The following CLN6 variants were observed in gnomAD, a reference collection of about 807,000 sequenced individuals.
CLN6 encodes the protein ceroid-lipofuscinosis neuronal protein 6.
Under a neutral mutation model 33.3 loss-of-function variants are expected in CLN6, and 22 were observed. That is an observed-to-expected ratio of 0.66 (90% CI 0.47 to 0.94). CLN6 has a LOEUF of 0.94. CLN6 is among the 40% of genes least tolerant of loss of function. The probability of loss-of-function intolerance (pLI) is 0.00; values close to 1 mark genes in which losing one functional copy is unlikely to be tolerated. For synonymous variants in CLN6, 201 were observed against 174.6 expected (o/e 1.15, Z -1.19); for missense variants, 387 against 417.1 (o/e 0.93, Z 0.63).
chr15:68,238,538 G>A (rs2141161211), intron 1 of CLN6, among the ~76,000 whole-genome samples: 1 of 152,284 alleles, frequency 6.6e-6, no homozygotes, highest in Middle Eastern at 3.4e-3. Flanking sequence ...CTATATGGTG[G>A]CAGCAACAGT....
Position 68,207,801 on chromosome 15 carries a change from G to A in CLN6, c.*339C>T, listed in dbSNP as rs894901160. 2.6e-6 allele frequency: 1 copy of A among 385,792 alleles called. No individual in the cohort carries two copies. Among genetic ancestry groups the A allele is most frequent in the South Asian group, 2.3e-5 (1 of 44,252 alleles). 23.9% of individuals were successfully genotyped at this position (385,792 alleles called of 1,614,324 possible). On this transcript the variant is annotated 3_prime_UTR_variant, in exon 7 of 7. Coordinates refer to ENST00000249806, the MANE Select transcript of CLN6 (RefSeq NM_017882.3). ...TGCACGGCTACCAGAAGATGTCCGG[G>A]AAGAACAGACTAGCCCTGAGTAGGG...
In CLN6 at chr15:68,211,326, A is replaced by G. The variant is rs202046680; in HGVS notation, c.487-8T>C. ...CAGCTCAAAGGAGTCGATCTGAGGG[A>G]GGAACGGGCAGGGCAGAGTCGGGGG... On this transcript the variant is annotated splice_polypyrimidine_tract_variant and splice_region_variant and intron_variant, in intron 4 of 6. Transcript: ENST00000249806. This position sits in a 1 kb window ranked among gnomAD's most constrained non-coding sequence, Gnocchi z 5.9. 1.0e-4 allele frequency: 162 copies of G among 1,613,858 alleles called. No individual in the cohort carries two copies. The East Asian group carries it at 2.5e-3, about 25-fold the overall frequency.
At chr15:68,238,312 G>T (rs1892247105) in intron 1 of CLN6, among the ~76,000 whole-genome samples, 1 of 151,986 alleles carries the variant, frequency 6.6e-6, no homozygotes, top group Non-Finnish European at 1.5e-5. Context: ...GCTGAGGCAG[G>T]AGAGTCACTT....
At position 68,256,992 on chromosome 15, in the gene CLN6, G is replaced by A. The variant is rs571216998; in HGVS notation, c.-124C>T. ...TTCCCTGGGCTTCTCCGGCACACCT[G>A]TATCTAGGGACTGAGCGCGACTGAC... On this transcript the variant is annotated 5_prime_UTR_variant, in exon 1 of 7. Transcript: ENST00000538696. This position sits in a 1 kb window ranked among gnomAD's most constrained non-coding sequence, Gnocchi z 4.1. The A allele has an allele frequency of 1.9e-5, 11 of 576,406 alleles. No homozygotes were observed. Among genetic ancestry groups the A allele is most frequent in the Non-Finnish European group, 3.4e-5 (11 of 321,694 alleles). 35.7% of individuals were successfully genotyped at this position (576,406 alleles called of 1,614,324 possible).
chr15:68,237,246 A>G (rs1892229914), intron 1 of CLN6, among the ~76,000 whole-genome samples: 1 of 148,680 alleles, frequency 6.7e-6, no homozygotes, highest in African/African-American at 2.5e-5. Context: ...TTTGGGAGGC[A>G]GGGTGGGAGG....
At chr15:68,229,762 A>AGCGGAGGGGGGCGGG (rs1555440251), upstream of CLN6, 1 of 46,318 alleles carries the variant, frequency 2.2e-5, no homozygotes, top group Non-Finnish European at 6.3e-5. Flanking sequence ...GGCGGAGCGG[A>AGCGGAGGGGGGCGGG]GCGGAGCGGA....
chr15:68,246,334 A>G lies in CLN6; in HGVS notation c.179+10356T>C, dbSNP rs550392410. On this transcript the variant is annotated intron_variant, in intron 1 of 6. Transcript: ENST00000538696. This position sits in a 1 kb window ranked among gnomAD's most constrained non-coding sequence, Gnocchi z 4.5. Reference sequence around the variant, plus strand: ...ATCTTAGGCTACAAAACAAGTCTGAACAAATTCAATAAAGTAGAAATTATA... The same window carrying G: ...ATCTTAGGCTACAAAACAAGTCTGAGCAAATTCAATAAAGTAGAAATTATA... Among the ~76,000 whole-genome samples, 1 of 152,302 alleles carries G rather than the reference A, an allele frequency of 6.6e-6. No homozygotes were observed. The highest frequency in any genetic ancestry group is 1.9e-4 in the East Asian group (1 of 5,192).
chr15:68,209,955 A>G lies in CLN6; in HGVS notation c.543-196T>C, dbSNP rs2093200023. 6.6e-6 allele frequency among the ~76,000 whole-genome samples: 1 copy of G among 152,118 alleles called. No homozygotes were observed. Among genetic ancestry groups the G allele is most frequent in the Non-Finnish European group, 1.5e-5 (1 of 68,006 alleles). ...AGGTGGGACAGAAACAGAAACAGGAAGGCAACGCACGTGTGAGTCAGAGGC... is the reference window on the plus strand; with the variant it reads ...AGGTGGGACAGAAACAGAAACAGGAGGGCAACGCACGTGTGAGTCAGAGGC... On this transcript the variant is annotated intron_variant, in intron 5 of 6. Coordinates refer to ENST00000249806, the MANE Select transcript of CLN6 (RefSeq NM_017882.3). This position sits in a 1 kb window ranked among gnomAD's most constrained non-coding sequence, Gnocchi z 4.9.
rs1886514502 is a variant in CLN6, at chr15:68,229,516, G to A, written c.69C>T (p.Ser23=). 3 of 1,467,270 alleles carry A rather than the reference G, an allele frequency of 2.0e-6. No homozygotes were observed. The highest frequency in any genetic ancestry group is 2.6e-5 in the South Asian group (2 of 77,968). The allele number at this position is 1,467,270 out of a possible 1,614,324, so 90.9% of individuals were successfully genotyped here. Residue 23 remains serine, a synonymous_variant, in exon 1 of 7, where the codon TCC becomes TCT. Coordinates refer to ENST00000249806, the MANE Select transcript of CLN6 (RefSeq NM_017882.3). ...CGCGCGCCCACCTGGCCTGCAGGAA[G>A]GAGGCGCCCAGCTGCGCGCCTGGGC... ...TGGPGAQLGA[S]FLQARHGSVS... is the part of the protein sequence containing the mutation.
rs1243252417 is a variant in CLN6 at position 68,256,131 on chromosome 15, G to A, written c.179+559C>T. Among the ~76,000 whole-genome samples, 10 of 151,688 alleles carry A rather than the reference G, an allele frequency of 6.6e-5. No homozygotes were observed. Among genetic ancestry groups the A allele is most frequent in the Admixed American group, 6.6e-4 (10 of 15,212 alleles). ...TTATTATTATTATTTTTTTGAGACG[G>A]AGTCTTGCTCTGTCTCCCAAGCTGG... is the stretch of plus-strand genomic sequence containing the variant. On this transcript the variant is annotated intron_variant, in intron 1 of 6. Coordinates refer to the CLN6 transcript ENST00000538696. This position sits in a 1 kb window ranked among gnomAD's most constrained non-coding sequence, Gnocchi z 4.1.
At chr15:68,254,316 C>G (rs1310413148) in intron 1 of CLN6, among the ~76,000 whole-genome samples, 1 of 152,142 alleles carries the variant, frequency 6.6e-6, no homozygotes, top group Non-Finnish European at 1.5e-5. Flanking sequence ...AGGTAATGTT[C>G]TCGTTCTTAA....
At position 68,211,112 on chromosome 15, in the gene CLN6, G is replaced by A; in HGVS notation, c.542+151C>T. The A allele has an allele frequency of 1.3e-6, 1 of 760,472 alleles. No homozygotes were observed. Among genetic ancestry groups the A allele is most frequent in the South Asian group, 1.4e-5 (1 of 69,628 alleles). 47.1% of individuals were successfully genotyped at this position (760,472 alleles called of 1,614,324 possible). On this transcript the variant is annotated intron_variant, in intron 5 of 6. Coordinates refer to ENST00000249806, the MANE Select transcript of CLN6 (RefSeq NM_017882.3). The surrounding 1 kb of genome is among the most constrained non-coding windows in gnomAD (Gnocchi z 5.9). Reference sequence around the variant, plus strand: ...GGCAACCTCGGGGACAACTTCACTGGAGGTTGAGCTCACAGTGCCTTTACA... The same window carrying A: ...GGCAACCTCGGGGACAACTTCACTGAAGGTTGAGCTCACAGTGCCTTTACA...
At chr15:68,222,556 C>T (rs895818183) in intron 1 of CLN6, among the ~76,000 whole-genome samples, 14 of 150,496 alleles carry the variant, frequency 9.3e-5, no homozygotes, top group East Asian at 3.9e-4. Flanking sequence ...TCTGCCCAGC[C>T]GCCCCGTCTG....
intron 1 of CLN6, 119 bp downstream of exon 1, chr15:68,229,383 C>T (rs1039220401): frequency 2.9e-5 from 22 of 753,548 alleles, no homozygotes; most frequent in South Asian, 1.6e-4. Flanking sequence ...CTCCGCTCCG[C>T]CCCGGCCAGC....
chr15:68,216,494 A>G (rs2093220921), intron 2 of CLN6, among the ~76,000 whole-genome samples: 1 of 152,250 alleles, frequency 6.6e-6, no homozygotes, highest in South Asian at 2.1e-4. Context: ...CAGCATTGCC[A>G]GGACAGCTTT....
chr15:68,226,316 C>G, intron 1 of CLN6, among the ~76,000 whole-genome samples: 1 of 118,726 alleles, frequency 8.4e-6, no homozygotes, highest in Non-Finnish European at 1.6e-5. Context: ...GAGACTCCAT[C>G]TCAAAAAAAA....
At chr15:68,223,251 A>G (rs764202069) in intron 1 of CLN6, among the ~76,000 whole-genome samples, 6 of 152,196 alleles carry the variant, frequency 3.9e-5, no homozygotes, top group Non-Finnish European at 7.3e-5. Context: ...AAAGCAGGGT[A>G]AAGGCCTGGA....
chr15:68,244,996 T>C (rs1043069920), intron 1 of CLN6, among the ~76,000 whole-genome samples: 1 of 134,520 alleles, frequency 7.4e-6, no homozygotes, highest in African/African-American at 2.9e-5. Context: ...TATTGTACCA[T>C]TGCACTCCAG....
intron 1 of CLN6, among the ~76,000 whole-genome samples, chr15:68,244,341 T>C (rs1036098226): frequency 1.3e-5 from 2 of 151,688 alleles, no homozygotes. Flanking sequence ...CATAAGGGGA[T>C]TCCAGTTCAT....
Sources: gnomAD v4.1 joint callset for allele counts (sites outside exome capture counted in the v4.1 genomes callset) on GRCh38, gnomAD v4.1.1 for gene constraint, Gnocchi (gnomAD v3.1) non-coding constraint, MANE v1.5 for transcripts, NCBI Gene and HGNC (gene_info 2026-07-23, HGNC 2026-07-21) for gene names.